Variants in CFAP65 observed in about 807,000 individuals in gnomAD.
CFAP65 encodes the protein cilia and flagella associated protein 65.
In CFAP65, 155 loss-of-function variants were observed where a neutral mutation model predicts 208.0. The ratio of observed to expected loss-of-function variants is 0.75; its 90% CI spans 0.65 to 0.85. The LOEUF is 0.85. CFAP65 is among the 40% of genes least tolerant of loss of function. CFAP65 has a pLI of 0.00. For synonymous variants in CFAP65, 970 were observed against 986.3 expected (o/e 0.98, Z 0.31); for missense variants, 2,294 against 2,451.3 (o/e 0.94, Z 1.36).
Position 219,003,357 on chromosome 2 carries a change from G to GCGAGCTCTA in CFAP65, c.5556-94_5556-86dup, listed in dbSNP as rs1945715581. ...GCCTGTCCGTGCGGTACATTGTGCC[G>GCGAGCTCTA]CGAGCTCTACGGAGATTCCCATTCG... On this transcript the variant is annotated intron_variant, in intron 33 of 34. Coordinates refer to ENST00000341552, the MANE Select transcript of CFAP65 (RefSeq NM_194302.4). The surrounding 1 kb of genome is among the most constrained non-coding windows in gnomAD (Gnocchi z 4.4). 1 of 1,431,076 alleles carries GCGAGCTCTA rather than the reference G, an allele frequency of 7.0e-7. No individual in the cohort carries two copies. The highest frequency in any genetic ancestry group is 9.2e-7 in the Non-Finnish European group (1 of 1,088,724). The allele number at this position is 1,431,076 out of a possible 1,614,324, so 88.6% of individuals were successfully genotyped here. A position where few individuals can be genotyped will look rare whatever the true frequency, so the allele number is the denominator to read the frequency against.
intron 31 of CFAP65, 128 bp from the exon 32 acceptor site, chr2:219,005,690 C>G: frequency 9.3e-7 from 1 of 1,080,040 alleles, no homozygotes; most frequent in South Asian, 1.5e-5. Context: ...AGCCTTAACC[C>G]AAATGTAGTG....
In CFAP65 at chr2:219,040,486, C is replaced by T. The variant is rs1948600385; in HGVS notation, c.-3+33G>A. 3 of 1,108,876 alleles carry T rather than the reference C, an allele frequency of 2.7e-6. No homozygotes were observed. In the African/African-American group the frequency reaches 4.6e-5, roughly 17 times the overall value. 68.7% of individuals were successfully genotyped at this position (1,108,876 alleles called of 1,614,324 possible). Reference sequence around the variant, plus strand: ...TTACTATTATGTACCAGGTACTGTGCTAGGCACCAGACAAGGCAGGCAAGG... The same window carrying T: ...TTACTATTATGTACCAGGTACTGTGTTAGGCACCAGACAAGGCAGGCAAGG... On this transcript the variant is annotated intron_variant, in intron 2 of 34. Coordinates refer to ENST00000341552, the MANE Select transcript of CFAP65 (RefSeq NM_194302.4).
chr2:219,010,567 A>G lies in CFAP65; in HGVS notation c.4287T>C (p.Ser1429=). 6.2e-7 allele frequency: 1 copy of G among 1,611,064 alleles called. No homozygotes were observed. The highest frequency in any genetic ancestry group is 1.1e-5 in the South Asian group (1 of 90,742). ...ISSWDNSSIH[S]RLVVPGQNVF... is the part of the protein sequence containing the mutation. Reference sequence around the variant, plus strand: ...CCACCTGTCCAGGCACCACCAGCCTAGAGTGTATGGAACTGTTGTCCCACG... The same window carrying G: ...CCACCTGTCCAGGCACCACCAGCCTGGAGTGTATGGAACTGTTGTCCCACG... The change falls in exon 26 of 35, where the codon TCT becomes TCC. Residue 1429 remains serine (S), a synonymous_variant. Coordinates refer to ENST00000341552, the MANE Select transcript of CFAP65 (RefSeq NM_194302.4).
intron 4 of CFAP65, 77 bp downstream of exon 4, chr2:219,038,298 C>G (rs1282259127): frequency 3.5e-6 from 5 of 1,415,882 alleles, no homozygotes; most frequent in Non-Finnish European, 4.9e-6. Flanking sequence ...TCAAGATTCC[C>G]ACCCCACTGC....
At position 219,026,119 on chromosome 2, in the gene CFAP65, A is replaced by G. The variant is rs139108524; in HGVS notation, c.2252T>C (p.Met751Thr). The G allele has an allele frequency of 1.9e-6, 3 of 1,613,882 alleles. No homozygotes were observed. Among genetic ancestry groups the G allele is most frequent in the African/African-American group, 2.7e-5 (2 of 74,920 alleles). The change falls in exon 14 of 35, where the codon ATG (methionine) becomes ACG (threonine). Residue 751 changes from methionine (M) to threonine (T), a missense_variant. Coordinates refer to ENST00000341552, the MANE Select transcript of CFAP65 (RefSeq NM_194302.4). Reference protein sequence around the residue: ...SYSNIEEDCTMCPSWCLTVRA... With the variant: ...SYSNIEEDCTTCPSWCLTVRA... ...CACCGTCAGGCACCAGGATGGGCACATGGTGCAGTCCTCCTCAATATTACT... is the reference window on the plus strand; with the variant it reads ...CACCGTCAGGCACCAGGATGGGCACGTGGTGCAGTCCTCCTCAATATTACT...
chr2:219,023,877 C>T (rs1947437058), intron 15 of CFAP65, 138 bp downstream of exon 15: 8 of 1,081,442 alleles, frequency 7.4e-6, no homozygotes, highest in Non-Finnish European at 9.4e-6. Context: ...CAGGTTCTTT[C>T]CCTACTATGC....
chr2:219,010,805 C>T lies in CFAP65; in HGVS notation c.4149G>A (p.Thr1383=), dbSNP rs756302254. ...IFSPIEAKTY[T]VDVPIHILGW... is the part of the protein sequence containing the mutation. The stretch of plus-strand genomic sequence containing the variant: ...CCACGTCATCCAGGTTGCTGCTCAC[C>T]GTGTAGGTCTTGGCCTCGATAGGTG... Residue 1383 remains threonine (T), a splice_region_variant and synonymous_variant, in exon 25 of 35, where the codon ACG becomes ACA. Coordinates refer to ENST00000341552, the MANE Select transcript of CFAP65 (RefSeq NM_194302.4). 4.4e-6 allele frequency: 7 copies of T among 1,601,670 alleles called. No individual in the cohort carries two copies. The highest frequency in any genetic ancestry group is 5.1e-6 in the Non-Finnish European group (6 of 1,171,126).
rs1235334732 is a variant in CFAP65 at position 219,003,443 on chromosome 2, G to A, written c.5556-171C>T. ...TTTCAATGTTACGGACGTTCCAAGT[G>A]TGGCTAAAAGATTCCAAGTTGCCAA... On this transcript the variant is annotated intron_variant, in intron 33 of 34. Transcript: ENST00000341552. This position sits in a 1 kb window ranked among gnomAD's most constrained non-coding sequence, Gnocchi z 4.4. Among the ~76,000 whole-genome samples the A allele has an allele frequency of 6.6e-6, 1 of 152,254 alleles. No individual in the cohort carries two copies. The highest frequency in any genetic ancestry group is 1.5e-5 in the Non-Finnish European group (1 of 68,048).
intron 1 of CFAP65, 171 bp downstream of exon 1, chr2:219,041,317 T>G (rs1948644079): frequency 3.3e-6 from 2 of 605,600 alleles, no homozygotes; most frequent in African/African-American, 1.9e-5. Flanking sequence ...GGATCCTTAG[T>G]CTGATTGATC....
chr2:219,037,414 A>T (rs948179809), intron 4 of CFAP65, among the ~76,000 whole-genome samples: 1 of 152,174 alleles, frequency 6.6e-6, no homozygotes, highest in Non-Finnish European at 1.5e-5. Flanking sequence ...ACAAACAAAC[A>T]AACAACAACA....
chr2:219,038,328 C>T lies in CFAP65; in HGVS notation c.357+47G>A, dbSNP rs758216261. ...CACTGCCCTGCCACCCATGCCCCGCCCTGGCCCTGCCACACCCTGCTCTGC... is the reference window on the plus strand; with the variant it reads ...CACTGCCCTGCCACCCATGCCCCGCTCTGGCCCTGCCACACCCTGCTCTGC... On this transcript the variant is annotated intron_variant, in intron 4 of 34. Transcript: ENST00000341552. 12 of 1,584,656 alleles carry T rather than the reference C, an allele frequency of 7.6e-6. No individual in the cohort carries two copies. In the Admixed American group the frequency reaches 1.9e-4, roughly 25 times the overall value.
intron 23 of CFAP65, 63 bp downstream of exon 23, chr2:219,013,456 C>A: frequency 6.4e-7 from 1 of 1,554,682 alleles, no homozygotes; most frequent in Non-Finnish European, 8.8e-7. Context: ...CTCCCTGCTC[C>A]TGTCCAGCCA....
chr2:219,037,711 A>G (rs1362629765), intron 4 of CFAP65, among the ~76,000 whole-genome samples: 1 of 152,206 alleles, frequency 6.6e-6, no homozygotes, highest in Non-Finnish European at 1.5e-5. Flanking sequence ...AAGGGCAAAC[A>G]GGCCCGGAAT....
Position 219,031,938 on chromosome 2 carries a change from T to G in CFAP65, c.646-280A>C, listed in dbSNP as rs1948075512. ...TTCTTTTCTTTTCTTTTTTTTTTTT[T>G]TTTTTTGAGTCTCGCTCTGTCACCC... On this transcript the variant is annotated intron_variant, in intron 6 of 34. Coordinates refer to ENST00000341552, the MANE Select transcript of CFAP65 (RefSeq NM_194302.4). This position sits in a 1 kb window ranked among gnomAD's most constrained non-coding sequence, Gnocchi z 5.2. Among the ~76,000 whole-genome samples the G allele has an allele frequency of 1.3e-5, 2 of 149,768 alleles. No homozygotes were observed. The highest frequency in any genetic ancestry group is 4.2e-4 in the South Asian group (2 of 4,738).
chr2:219,041,395 G>A (rs1051963576), intron 1 of CFAP65, 93 bp downstream of exon 1: 4 of 1,407,780 alleles, frequency 2.8e-6, no homozygotes, highest in African/African-American at 1.4e-5. Context: ...ACGATTTCCC[G>A]AAGGATAGGG....
At position 219,030,708 on chromosome 2, in the gene CFAP65, C is replaced by G; in HGVS notation, c.1142G>C (p.Arg381Thr). The change falls in exon 9 of 35, where the codon AGG (arginine) becomes ACG (threonine). Residue 381 changes from arginine to threonine, a missense_variant. Arg to Thr is a moderately conservative substitution (Grantham distance 71). Coordinates refer to ENST00000341552, the MANE Select transcript of CFAP65 (RefSeq NM_194302.4). ...AVGCTSERQI[R>T]LHNPSAVNAP... ...GCCTACCGCCGACGGGTTGTGTAGC[C>G]TGATCTGCCTCTCCGAGGTGCAGCC... 1 of 1,614,062 alleles carries G rather than the reference C, an allele frequency of 6.2e-7. No homozygotes were observed. The highest frequency in any genetic ancestry group is 8.5e-7 in the Non-Finnish European group (1 of 1,179,916).
intron 4 of CFAP65, among the ~76,000 whole-genome samples, chr2:219,036,546 G>GCCA (rs1948374934): frequency 1.3e-5 from 2 of 151,790 alleles, no homozygotes; most frequent in African/African-American, 4.8e-5. Context: ...CCAGGTTCAA[G>GCCA]TGATTTTCTC....
At chr2:219,023,879 C>G in intron 15 of CFAP65, 136 bp downstream of exon 15, 1 of 1,102,544 alleles carries the variant, frequency 9.1e-7, no homozygotes, top group East Asian at 2.4e-5. Flanking sequence ...GGTTCTTTCC[C>G]TACTATGCTA....
At position 219,023,235 on chromosome 2, in the gene CFAP65, C is replaced by T. The variant is rs1392880664; in HGVS notation, c.2792G>A (p.Arg931Lys). ...HRKLLAVQPS[R>K]GLIQPNERLT... ...TCTCTCGTTGGGCTGGATTAGCCCC[C>T]TGGAGGGCTGGACAGCCAGCAGCTT... The change falls in exon 16 of 35, where the codon AGG becomes AAG. Residue 931 changes from arginine to lysine, a missense_variant. By Grantham distance (26) the Arg-to-Lys change is conservative. Coordinates refer to ENST00000341552, the MANE Select transcript of CFAP65 (RefSeq NM_194302.4). 1.2e-6 allele frequency: 2 copies of T among 1,612,630 alleles called. No homozygotes were observed. The highest frequency in any genetic ancestry group is 8.5e-7 in the Non-Finnish European group (1 of 1,179,930).
Sources: gnomAD v4.1 joint callset for allele counts (sites outside exome capture counted in the v4.1 genomes callset) on GRCh38, gnomAD v4.1.1 for gene constraint, Gnocchi (gnomAD v3.1) non-coding constraint, MANE v1.5 for transcripts, NCBI Gene and HGNC (gene_info 2026-07-23, HGNC 2026-07-21) for gene names.